OXCT1: variants seen among roughly 807,000 people sequenced by gnomAD.
OXCT1 encodes succinyl-CoA:3-ketoacid coenzyme A transferase 1, mitochondrial.
In OXCT1, 27 loss-of-function variants were observed where a neutral mutation model predicts 69.6. That is an observed-to-expected ratio of 0.39 (90% CI 0.29 to 0.54). OXCT1 has a LOEUF of 0.54. Among genes scored for constraint, OXCT1 ranks in the 20% least tolerant of loss-of-function variants. OXCT1 has a pLI of 0.72. For missense variants in OXCT1, 437 were observed against 650.2 expected, an observed-to-expected ratio of 0.67 and a Z score of 3.57; for synonymous variants, 202 against 217.8, an observed-to-expected ratio of 0.93 and a Z score of 0.64.
intron 7 of OXCT1, among the ~76,000 whole-genome samples, chr5:41,839,660 C>A (rs1468475205): frequency 6.6e-6 from 1 of 152,158 alleles, no homozygotes; most frequent in Non-Finnish European, 1.5e-5. Flanking sequence ...ATTATCTTGG[C>A]CTTGTAAAAA....
At chr5:41,771,485 A>T (rs952165452) in intron 13 of OXCT1, among the ~76,000 whole-genome samples, 1 of 152,190 alleles carries the variant, frequency 6.6e-6, no homozygotes, top group East Asian at 1.9e-4. Flanking sequence ...TAACACTCTG[A>T]TCTATTTGTT....
At chr5:41,798,277 A>C (rs1254029081) in intron 11 of OXCT1, among the ~76,000 whole-genome samples, 6 of 152,186 alleles carry the variant, frequency 3.9e-5, no homozygotes, top group Non-Finnish European at 8.8e-5. Flanking sequence ...TGCAAACACT[A>C]CAGAGATCTG....
intron 10 of OXCT1, among the ~76,000 whole-genome samples, chr5:41,802,126 A>G (rs764623029): frequency 6.6e-6 from 1 of 152,120 alleles, no homozygotes; most frequent in Non-Finnish European, 1.5e-5. Context: ...GGCACCTTAA[A>G]AATGCAAGTC....
intron 13 of OXCT1, among the ~76,000 whole-genome samples, chr5:41,778,390 G>C (rs1451375119): frequency 6.6e-6 from 1 of 152,218 alleles, no homozygotes; most frequent in African/African-American, 2.4e-5. Context: ...AGAGGGGAGA[G>C]AGAACGGTAA....
Position 41,850,086 on chromosome 5 carries a change from A to G in OXCT1, c.508T>C (p.Ser170Pro). The G allele has an allele frequency of 6.2e-7, 1 of 1,613,936 alleles. No individual in the cohort carries two copies. The highest frequency in any genetic ancestry group is 8.5e-7 in the Non-Finnish European group (1 of 1,179,902). The change falls in exon 5 of 17, where the codon TCG becomes CCG. Residue 170 changes from serine (S) to proline (P), a missense_variant. By Grantham distance (74) the Ser-to-Pro change is moderately conservative. Around this residue, in one of 4 missense-constraint regions of OXCT1, gnomAD observed 252 missense variants for 397.4 expected, o/e 0.63. Transcript: ENST00000196371. ...CCATCTTTGTTGTATTTGATGGGCG[A>G]TCCTCCTTCTTGTACCAGGGTCCCA... The part of the protein sequence containing the change: ...GYGTLVQEGG[S>P]PIKYNKDGSV...
chr5:41,761,712 G>A (rs889813678), intron 14 of OXCT1, among the ~76,000 whole-genome samples: 3 of 152,130 alleles, frequency 2.0e-5, no homozygotes, highest in African/African-American at 7.2e-5. Flanking sequence ...TTGTTAAGAT[G>A]TATGTTCTGT....
chr5:41,823,719 T>A (rs1747674205), intron 7 of OXCT1, among the ~76,000 whole-genome samples: 1 of 152,220 alleles, frequency 6.6e-6, no homozygotes, highest in African/African-American at 2.4e-5. Flanking sequence ...GGCTATTTTT[T>A]AAATAATCAT....
chr5:41,839,245 TA>T (rs1369183578), intron 7 of OXCT1, among the ~76,000 whole-genome samples: 6 of 152,210 alleles, frequency 3.9e-5, no homozygotes, highest in African/African-American at 1.4e-4. Flanking sequence ...GGAAAAATTT[TA>T]AAGAGAACTT....
At chr5:41,818,783 A>G (rs1313764601) in intron 7 of OXCT1, among the ~76,000 whole-genome samples, 1 of 152,224 alleles carries the variant, frequency 6.6e-6, no homozygotes, top group East Asian at 1.9e-4. Flanking sequence ...TAAGACAAAA[A>G]TTAACAAAAG....
chr5:41,752,206 G>A (rs758103482), intron 14 of OXCT1, among the ~76,000 whole-genome samples: 3 of 152,066 alleles, frequency 2.0e-5, no homozygotes, highest in Non-Finnish European at 4.4e-5. Flanking sequence ...TCTTAGTTCT[G>A]CCATACAATT....
rs1748573605 is a variant in OXCT1, at chr5:41,840,459, C to G, written c.724G>C (p.Val242Leu). The G allele has an allele frequency of 1.2e-6, 2 of 1,611,366 alleles. No homozygotes were observed. Among genetic ancestry groups the G allele is most frequent in the South Asian group, 1.1e-5 (1 of 91,016 alleles). Residue 242 changes from valine to leucine, a missense_variant, in exon 7 of 17, where the codon GTG (valine) becomes CTG (leucine). Physicochemically the swap from Val to Leu is conservative, Grantham distance 32 (BLOSUM62 1). This residue lies in a region of OXCT1 where 252 missense variants were observed against 397.4 expected (regional missense o/e 0.63). Transcript: ENST00000196371. ...CAAAAATAACCTCTTACCTCTACCA[C>G]TGTGGTTTCTGCAGCTTTGCACATT... is the stretch of plus-strand genomic sequence containing the variant. ...LPMCKAAETT[V>L]VEVEEIVDIG...
rs1019784604 is a variant in OXCT1 at position 41,816,530 on chromosome 5, A to G, written c.733-9092T>C. Among the ~76,000 whole-genome samples the G allele has an allele frequency of 1.2e-4, 19 of 152,332 alleles. No homozygotes were observed. The East Asian group carries it at 3.1e-3, about 25-fold the overall frequency. ...TTTCAGCATCTAGTCATCATGGGAAAGCAAGGCAAGTCTTAATTCTGGTGT... is the reference window on the plus strand; with the variant it reads ...TTTCAGCATCTAGTCATCATGGGAAGGCAAGGCAAGTCTTAATTCTGGTGT... On this transcript the variant is annotated intron_variant, in intron 7 of 16. Coordinates refer to ENST00000196371, the MANE Select transcript of OXCT1 (RefSeq NM_000436.4).
intron 3 of OXCT1, 54 bp downstream of exon 3, chr5:41,861,260 A>G: frequency 9.3e-7 from 1 of 1,076,436 alleles, no homozygotes; most frequent in Non-Finnish European, 1.4e-6. Context: ...CTCTGTTTAA[A>G]TATTAAGAAT....
rs1379438389 is a variant in OXCT1 at position 41,762,304 on chromosome 5, T to C, written c.1249-104A>G. On this transcript the variant is annotated intron_variant, in intron 13 of 16. Transcript: ENST00000196371. This position sits in a 1 kb window ranked among gnomAD's most constrained non-coding sequence, Gnocchi z 4.0. The stretch of plus-strand genomic sequence containing the variant: ...AGCTACTAGAATCATTAAAAACTCA[T>C]TGTCCTTCATTGCTTAGTGCTTGAA... The C allele has an allele frequency of 2.3e-6, 2 of 869,752 alleles. No individual in the cohort carries two copies. The highest frequency in any genetic ancestry group is 1.6e-5 in the African/African-American group (1 of 60,750). The allele number at this position is 869,752 out of a possible 1,614,324, so 53.9% of individuals were successfully genotyped here.
chr5:41,813,767 C>G (rs1429872928), intron 7 of OXCT1, among the ~76,000 whole-genome samples: 1 of 148,286 alleles, frequency 6.7e-6, no homozygotes, highest in Non-Finnish European at 1.5e-5. Context: ...GCCCCTAGAA[C>G]AAACCAATTA....
intron 5 of OXCT1, among the ~76,000 whole-genome samples, chr5:41,845,178 G>C (rs903903372): frequency 3.9e-5 from 6 of 152,126 alleles, no homozygotes; most frequent in Non-Finnish European, 8.8e-5. Context: ...AACACGGCAA[G>C]CCTGTAGCTG....
At chr5:41,813,439 T>C (rs1747082361) in intron 7 of OXCT1, among the ~76,000 whole-genome samples, 1 of 152,122 alleles carries the variant, frequency 6.6e-6, no homozygotes, top group South Asian at 2.1e-4. Context: ...AAGGTTTCTT[T>C]AGGTATAAAA....
At chr5:41,748,784 G>A (rs533718511) in intron 15 of OXCT1, among the ~76,000 whole-genome samples, 5 of 152,190 alleles carry the variant, frequency 3.3e-5, no homozygotes, top group Admixed American at 3.3e-4. Context: ...AAATGGAACA[G>A]CACTAAAAGA....
At chr5:41,812,529 C>A (rs1321807692) in intron 7 of OXCT1, among the ~76,000 whole-genome samples, 1 of 151,868 alleles carries the variant, frequency 6.6e-6, no homozygotes, top group African/African-American at 2.4e-5. Flanking sequence ...AGTCAAGAGA[C>A]CTTAAGAGGT....
Sources: gnomAD v4.1 joint callset for allele counts (sites outside exome capture counted in the v4.1 genomes callset) on GRCh38, gnomAD v4.1.1 for gene constraint, gnomAD v4.1.1 regional missense constraint, Gnocchi (gnomAD v3.1) non-coding constraint, MANE v1.5 for transcripts, NCBI Gene and HGNC (gene_info 2026-07-23, HGNC 2026-07-21) for gene names.